Variants in VTA1 observed in about 807,000 individuals in gnomAD.
VTA1 encodes vesicle trafficking 1.
A neutral mutation model predicts 36.9 loss-of-function variants in VTA1; 24 were observed. The ratio of observed to expected loss-of-function variants is 0.65; its 90% CI spans 0.47 to 0.91. VTA1 has a LOEUF of 0.91. VTA1 is among the 40% of genes least tolerant of loss of function. VTA1 has a pLI of 0.00. For missense variants in VTA1, 393 were observed against 377.2 expected (o/e 1.04, Z -0.35); for synonymous variants, 142 against 130.2 (o/e 1.09, Z -0.62).
chr6:142,200,921 C>G (rs916615967), intron 6 of VTA1, among the ~76,000 whole-genome samples: 1 of 151,910 alleles, frequency 6.6e-6, no homozygotes, highest in African/African-American at 2.4e-5. Context: ...CTTGCAGCAA[C>G]TATATTATGT....
chr6:142,198,025 A>G (rs1775590193), intron 5 of VTA1, among the ~76,000 whole-genome samples: 1 of 150,456 alleles, frequency 6.6e-6, no homozygotes, highest in South Asian at 2.1e-4. Context: ...TGAACCTGGG[A>G]GGTAGAGCTT....
rs762073696 is a variant in VTA1 at position 142,169,643 on chromosome 6, G to A, written c.301G>A (p.Ala101Thr). The A allele has an allele frequency of 1.2e-6, 2 of 1,608,746 alleles. No individual in the cohort carries two copies. The highest frequency in any genetic ancestry group is 1.1e-5 in the South Asian group (1 of 89,566). The change falls in exon 3 of 8, where the codon GCA (alanine) becomes ACA (threonine). Residue 101 changes from alanine to threonine, a missense_variant. Physicochemically the swap from Ala to Thr is moderately conservative, Grantham distance 58. Coordinates refer to ENST00000367630, the MANE Select transcript of VTA1 (RefSeq NM_016485.5). ...ENYALKMFLY[A>T]DNEDRAGRFH... is the part of the protein sequence containing the mutation. ...TTATGCTTTGAAAATGTTTTTGTAT[G>A]CAGACAATGAAGATCGTGCTGGACG...
rs1776149695 is a variant in VTA1 at position 142,223,432 on chromosome 6, A to G, written c.*4789A>G. ...TGTCTTTCCTAACTAAAAATTCTTC[A>G]TCTTCAGGAAATAAGATTGAGATAC... On this transcript the variant is annotated 3_prime_UTR_variant, in exon 8 of 8. Transcript: ENST00000367630. 6.6e-6 allele frequency: 1 copy of G among 152,200 alleles called. No individual in the cohort carries two copies. Among genetic ancestry groups the G allele is most frequent in the Non-Finnish European group, 1.5e-5 (1 of 68,042 alleles). The allele number at this position is 152,200 out of a possible 1,614,324, so 9.4% of individuals were successfully genotyped here. A position where few individuals can be genotyped will look rare whatever the true frequency, so the allele number is the denominator to read the frequency against.
At chr6:142,151,067 G>A (rs577309792) in intron 1 of VTA1, among the ~76,000 whole-genome samples, 5 of 152,272 alleles carry the variant, frequency 3.3e-5, no homozygotes, top group African/African-American at 1.2e-4. Context: ...CTCTTTTCAG[G>A]AACAGTTGGT....
rs1278234086 is a variant in VTA1, at chr6:142,221,070, T to C, written c.*2427T>C. On this transcript the variant is annotated 3_prime_UTR_variant, in exon 8 of 8. Coordinates refer to ENST00000367630, the MANE Select transcript of VTA1 (RefSeq NM_016485.5). Reference sequence around the variant, plus strand: ...TTTAAGAGACACTTAAGGTGGTCCCTAAAGTTCGAGTGGTTTAGCTCTACC... The same window carrying C: ...TTTAAGAGACACTTAAGGTGGTCCCCAAAGTTCGAGTGGTTTAGCTCTACC... The C allele has an allele frequency of 3.3e-5, 5 of 152,294 alleles. No individual in the cohort carries two copies. In the East Asian group the frequency reaches 7.7e-4, roughly 24 times the overall value. The allele number at this position is 152,294 out of a possible 1,614,324, so 9.4% of individuals were successfully genotyped here.
At chr6:142,196,071 A>G (rs1278181532) in intron 5 of VTA1, among the ~76,000 whole-genome samples, 1 of 152,052 alleles carries the variant, frequency 6.6e-6, no homozygotes, top group Non-Finnish European at 1.5e-5. Flanking sequence ...AGTTTGTTTC[A>G]TTTTGAGACT....
chr6:142,148,025 GTTGAATTTACAGT>G (rs1227662834), intron 1 of VTA1, among the ~76,000 whole-genome samples: 1 of 152,062 alleles, frequency 6.6e-6, no homozygotes, highest in Non-Finnish European at 1.5e-5. Context: ...AGTGTTATAC[GTTGAATTTACAGT>G]TTGATTAAAA....
chr6:142,205,174 G>A (rs562415647), intron 7 of VTA1, among the ~76,000 whole-genome samples: 66 of 152,298 alleles, frequency 4.3e-4, no homozygotes, highest in Admixed American at 1.6e-3. Flanking sequence ...CCTTTTAGGG[G>A]TGAGCTGGAT....
intron 4 of VTA1, among the ~76,000 whole-genome samples, chr6:142,179,330 C>G (rs1775181744): frequency 3.3e-5 from 5 of 151,286 alleles, no homozygotes; most frequent in African/African-American, 9.7e-5. Flanking sequence ...TTTTTTAATG[C>G]TAAACATACT....
At chr6:142,169,965 C>G (rs1045661753) in intron 3 of VTA1, among the ~76,000 whole-genome samples, 8 of 152,056 alleles carry the variant, frequency 5.3e-5, no homozygotes, top group African/African-American at 1.9e-4. Flanking sequence ...GCCAAAATCA[C>G]AGCCCCGCCT....
At chr6:142,195,525 G>A (rs1385573971) in intron 5 of VTA1, among the ~76,000 whole-genome samples, 2 of 146,386 alleles carry the variant, frequency 1.4e-5, no homozygotes, top group East Asian at 2.0e-4. Context: ...CAAGTACTTA[G>A]TACAGTTTTT....
intron 7 of VTA1, among the ~76,000 whole-genome samples, chr6:142,212,501 A>G (rs1775923397): frequency 6.6e-6 from 1 of 152,114 alleles, no homozygotes; most frequent in Admixed American, 6.5e-5. Context: ...GCAGTTGCCA[A>G]GAGTTAGGGG....
intron 1 of VTA1, among the ~76,000 whole-genome samples, chr6:142,159,235 G>A (rs1400887436): frequency 2.0e-5 from 3 of 151,668 alleles, no homozygotes; most frequent in South Asian, 2.1e-4. Flanking sequence ...ATGGTGTCCC[G>A]CACCTGTAGT....
In VTA1 at chr6:142,222,098, C is replaced by T. The variant is rs1776122680; in HGVS notation, c.*3455C>T. ...TTTTTTAGGTAGAGCCACAGGATTTCTGTAAACTGGATGTGAGGTACGAAC... is the reference window on the plus strand; with the variant it reads ...TTTTTTAGGTAGAGCCACAGGATTTTTGTAAACTGGATGTGAGGTACGAAC... On this transcript the variant is annotated 3_prime_UTR_variant, in exon 8 of 8. Coordinates refer to ENST00000367630, the MANE Select transcript of VTA1 (RefSeq NM_016485.5). The T allele has an allele frequency of 6.6e-6, 1 of 151,950 alleles. No homozygotes were observed. 9.4% of individuals were successfully genotyped at this position (151,950 alleles called of 1,614,324 possible). A position where few individuals can be genotyped will look rare whatever the true frequency, so the allele number is the denominator to read the frequency against.
chr6:142,151,422 G>A (rs945696557), intron 1 of VTA1, among the ~76,000 whole-genome samples: 4 of 152,106 alleles, frequency 2.6e-5, no homozygotes, highest in Non-Finnish European at 5.9e-5. Context: ...ACCAATCTTG[G>A]GTTGAGAGCA....
At chr6:142,190,036 C>T (rs1233300648) in intron 5 of VTA1, among the ~76,000 whole-genome samples, 2 of 152,242 alleles carry the variant, frequency 1.3e-5, no homozygotes, top group African/African-American at 2.4e-5. Flanking sequence ...GGATTACAGG[C>T]GTGAGCCACC....
chr6:142,167,175 A>G (rs1774933113), intron 2 of VTA1, among the ~76,000 whole-genome samples: 1 of 152,116 alleles, frequency 6.6e-6, no homozygotes, highest in Non-Finnish European at 1.5e-5. Flanking sequence ...TCTTGAACCT[A>G]ATATAACGTC....
intron 6 of VTA1, among the ~76,000 whole-genome samples, chr6:142,199,112 A>G (rs1775627935): frequency 6.6e-6 from 1 of 151,470 alleles, no homozygotes; most frequent in African/African-American, 2.4e-5. Context: ...CAATGAAATC[A>G]TAGACAGGTG....
At chr6:142,150,977 G>A (rs1778557558) in intron 1 of VTA1, among the ~76,000 whole-genome samples, 1 of 152,064 alleles carries the variant, frequency 6.6e-6, no homozygotes, top group Non-Finnish European at 1.5e-5. Context: ...AGGGGAAGGA[G>A]GTAGAACTTT....
Sources: gnomAD v4.1 joint callset for allele counts (sites outside exome capture counted in the v4.1 genomes callset) on GRCh38, gnomAD v4.1.1 for gene constraint, MANE v1.5 for transcripts, NCBI Gene and HGNC (gene_info 2026-07-23, HGNC 2026-07-21) for gene names.